KCNH8: variants seen among roughly 807,000 people sequenced by gnomAD.
KCNH8 encodes the protein potassium voltage-gated channel subfamily H member 8.
In KCNH8, 70 loss-of-function variants were observed where a neutral mutation model predicts 103.6. The ratio of observed to expected loss-of-function variants is 0.68; its 90% confidence interval spans 0.56 to 0.82. KCNH8 has a LOEUF of 0.82. KCNH8 is among the 40% of genes least tolerant of loss of function. The probability of loss-of-function intolerance (pLI) is 0.00; values close to 1 mark genes in which losing one functional copy is unlikely to be tolerated. For missense variants in KCNH8, 1,217 were observed against 1,329.9 expected (o/e 0.92, Z 1.32); for synonymous variants, 498 against 489.4 (o/e 1.02, Z -0.23).
intron 3 of KCNH8, among the ~76,000 whole-genome samples, chr3:19,319,021 AT>A (rs1387198933): frequency 6.6e-6 from 1 of 150,400 alleles, no homozygotes; most frequent in East Asian, 2.0e-4. Context: ...TTATTTATTT[AT>A]TTTGCTGATT....
rs772339588 is a variant in KCNH8, at chr3:19,148,690, T to G, written c.-30T>G. The G allele has an allele frequency of 6.2e-7, 1 of 1,609,208 alleles. No homozygotes were observed. On this transcript the variant is annotated 5_prime_UTR_variant, in exon 1 of 16. Transcript: ENST00000328405. ...TCGAACCATCCTTCTGGACAAACTT[T>G]GATGGAGAATTTCACACCACGCTGG...
intron 7 of KCNH8, among the ~76,000 whole-genome samples, chr3:19,414,153 CG>C (rs2066827138): frequency 6.6e-6 from 1 of 152,020 alleles, no homozygotes; most frequent in South Asian, 2.1e-4. Context: ...TGCTTTAAAA[CG>C]TAACAGTCAC....
At chr3:19,406,828 T>C (rs2066698820) in intron 7 of KCNH8, among the ~76,000 whole-genome samples, 4 of 152,166 alleles carry the variant, frequency 2.6e-5, no homozygotes, top group South Asian at 2.1e-4. Context: ...TTGAGTGTTA[T>C]AAAATTAAGA....
At chr3:19,431,532 T>G (rs2067121658) in intron 7 of KCNH8, among the ~76,000 whole-genome samples, 1 of 152,210 alleles carries the variant, frequency 6.6e-6, no homozygotes, top group Non-Finnish European at 1.5e-5. Context: ...TTTTTGGTTT[T>G]TTGGAATAGT....
At chr3:19,403,416 T>C (rs1250728361) in intron 7 of KCNH8, among the ~76,000 whole-genome samples, 1 of 142,312 alleles carries the variant, frequency 7.0e-6, no homozygotes, top group Non-Finnish European at 1.6e-5. Flanking sequence ...CTTCTGTTTA[T>C]GGTATTACTA....
intron 7 of KCNH8, among the ~76,000 whole-genome samples, chr3:19,414,397 T>C (rs1010557821): frequency 4.0e-5 from 6 of 151,602 alleles, no homozygotes; most frequent in African/African-American, 1.5e-4. Flanking sequence ...TCATGAAACA[T>C]ATGGAAAAAC....
intron 3 of KCNH8, among the ~76,000 whole-genome samples, chr3:19,323,165 C>T (rs1269715992): frequency 1.3e-5 from 2 of 152,032 alleles, no homozygotes; most frequent in Non-Finnish European, 2.9e-5. Context: ...TAATTGGCTT[C>T]TGGGCCGCAC....
chr3:19,191,422 A>G (rs1479983131), intron 1 of KCNH8, among the ~76,000 whole-genome samples: 10 of 151,896 alleles, frequency 6.6e-5, no homozygotes, highest in Non-Finnish European at 1.5e-4. Context: ...TAATGAAATT[A>G]AACATCTTTC....
chr3:19,151,064 A>C (rs2125178009), intron 1 of KCNH8, among the ~76,000 whole-genome samples: 1 of 152,066 alleles, frequency 6.6e-6, no homozygotes, highest in Admixed American at 6.5e-5. Context: ...TCTGAAACTT[A>C]AAATACCTTA....
At chr3:19,265,068 G>A (rs1226408810) in intron 2 of KCNH8, among the ~76,000 whole-genome samples, 2 of 152,040 alleles carry the variant, frequency 1.3e-5, no homozygotes, top group African/African-American at 2.4e-5. Flanking sequence ...GTGAGTGATT[G>A]ACAAACTATC....
chr3:19,281,488 C>T (rs1230480920), intron 3 of KCNH8, among the ~76,000 whole-genome samples, 159 bp downstream of exon 3: 1 of 152,064 alleles, frequency 6.6e-6, no homozygotes, highest in African/African-American at 2.4e-5. Context: ...AAATCACAGA[C>T]TCACATGCAT....
At chr3:19,291,217 G>A (rs1352356956) in intron 3 of KCNH8, among the ~76,000 whole-genome samples, 3 of 151,970 alleles carry the variant, frequency 2.0e-5, no homozygotes, top group Non-Finnish European at 4.4e-5. Flanking sequence ...TTGATTTTTT[G>A]AAGGGTTTTT....
At chr3:19,454,660 A>C (rs748113631) in intron 10 of KCNH8, among the ~76,000 whole-genome samples, 9 of 152,106 alleles carry the variant, frequency 5.9e-5, no homozygotes, top group Non-Finnish European at 1.3e-4. Flanking sequence ...ATATGATTCA[A>C]TTGGATATTT....
intron 7 of KCNH8, among the ~76,000 whole-genome samples, chr3:19,405,845 T>G (rs2066683405): frequency 6.6e-6 from 1 of 151,992 alleles, no homozygotes; most frequent in African/African-American, 2.4e-5. Context: ...GTTTCAATCC[T>G]TCTTGCATCA....
intron 1 of KCNH8, among the ~76,000 whole-genome samples, chr3:19,167,146 A>G (rs909899241): frequency 6.6e-6 from 1 of 152,234 alleles, no homozygotes; most frequent in Non-Finnish European, 1.5e-5. Context: ...AGGAAATTCA[A>G]CATTATTTGG....
At chr3:19,153,890 C>G (rs1039117027) in intron 1 of KCNH8, among the ~76,000 whole-genome samples, 2 of 152,080 alleles carry the variant, frequency 1.3e-5, no homozygotes, top group African/African-American at 4.8e-5. Context: ...CCGCGCCCTC[C>G]CAAAGTGCTG....
At chr3:19,242,891 AG>A in intron 1 of KCNH8, among the ~76,000 whole-genome samples, 1 of 152,308 alleles carries the variant, frequency 6.6e-6, no homozygotes, top group Middle Eastern at 3.4e-3. Context: ...TGACAACAAA[AG>A]AAAAAACAAA....
intron 1 of KCNH8, among the ~76,000 whole-genome samples, chr3:19,150,747 T>C (rs2063120763): frequency 1.3e-5 from 2 of 152,188 alleles, no homozygotes; most frequent in Admixed American, 1.3e-4. Flanking sequence ...AAGAAGACCA[T>C]CCTGACATAC....
At chr3:19,480,083 C>A (rs1698733532) in intron 11 of KCNH8, among the ~76,000 whole-genome samples, 1 of 152,168 alleles carries the variant, frequency 6.6e-6, no homozygotes, top group Admixed American at 6.5e-5. Flanking sequence ...TTCTCAGACT[C>A]AAACACGGGC....
Sources: gnomAD v4.1 joint callset for allele counts (sites outside exome capture counted in the v4.1 genomes callset) on GRCh38, gnomAD v4.1.1 for gene constraint, MANE v1.5 for transcripts, NCBI Gene and HGNC (gene_info 2026-07-23, HGNC 2026-07-21) for gene names.